The following MCTP1 variants were observed in gnomAD, a reference collection of about 807,000 sequenced individuals.
The protein encoded by MCTP1 is multiple C2 and transmembrane domain-containing protein 1.
Under a neutral mutation model 120.6 loss-of-function variants are expected in MCTP1, and 69 were observed. The ratio of observed to expected loss-of-function variants is 0.57; its 90% CI spans 0.47 to 0.70. MCTP1 has a LOEUF of 0.70. Among genes scored for constraint, MCTP1 ranks in the 30% least tolerant of loss-of-function variants. The pLI is 0.00. For missense variants in MCTP1, 1,203 were observed against 1,248.8 expected (o/e 0.96, Z 0.55); for synonymous variants, 529 against 493.1 (o/e 1.07, Z -0.96).
At chr5:94,935,836 G>A (rs1253432025) in intron 5 of MCTP1, among the ~76,000 whole-genome samples, 2 of 151,978 alleles carry the variant, frequency 1.3e-5, no homozygotes, top group Non-Finnish European at 2.9e-5. Flanking sequence ...CTGGTTTGCT[G>A]CATTTTTAGC....
At chr5:95,192,686 A>G (rs773527442) in intron 1 of MCTP1, among the ~76,000 whole-genome samples, 18 of 152,248 alleles carry the variant, frequency 1.2e-4, no homozygotes, top group Middle Eastern at 3.4e-3. Flanking sequence ...ACATTTCATC[A>G]AATAAAATAG....
intron 17 of MCTP1, among the ~76,000 whole-genome samples, chr5:94,835,099 G>A (rs1254516609): frequency 2.8e-4 from 42 of 152,172 alleles, no homozygotes; most frequent in Admixed American, 2.7e-3. Context: ...TTACACGCAT[G>A]AGCCACCATG....
intron 7 of MCTP1, among the ~76,000 whole-genome samples, chr5:94,920,104 C>T (rs1017321750): frequency 5.9e-5 from 9 of 152,130 alleles, no homozygotes; most frequent in African/African-American, 1.7e-4. Flanking sequence ...TAACTTTAAT[C>T]GTGGTCCAAC....
At chr5:94,721,437 A>G (rs531823396) in intron 19 of MCTP1, among the ~76,000 whole-genome samples, 1 of 152,286 alleles carries the variant, frequency 6.6e-6, no homozygotes, top group African/African-American at 2.4e-5. Flanking sequence ...TTGCTTTGTT[A>G]CTACTGCACT....
At chr5:94,774,973 A>G (rs1774981866) in intron 19 of MCTP1, among the ~76,000 whole-genome samples, 1 of 152,164 alleles carries the variant, frequency 6.6e-6, no homozygotes, top group Non-Finnish European at 1.5e-5. Context: ...GATGCCAGAG[A>G]TGCCCAAATC....
chr5:94,802,992 C>T (rs751804929), intron 17 of MCTP1, among the ~76,000 whole-genome samples: 2 of 151,938 alleles, frequency 1.3e-5, no homozygotes, highest in Non-Finnish European at 2.9e-5. Flanking sequence ...GTATTTTTTC[C>T]TCTCTCTCTG....
intron 2 of MCTP1, among the ~76,000 whole-genome samples, chr5:94,955,960 C>T (rs553887382): frequency 6.6e-6 from 1 of 152,346 alleles, no homozygotes; most frequent in Admixed American, 6.5e-5. Flanking sequence ...GACTCCCATG[C>T]TTCCTGACAG....
intron 3 of MCTP1, among the ~76,000 whole-genome samples, chr5:94,948,597 T>C (rs1226399570): frequency 6.6e-6 from 1 of 152,178 alleles, no homozygotes; most frequent in Non-Finnish European, 1.5e-5. Context: ...CTATGGTTTA[T>C]GGCTGGAAAC....
chr5:95,009,056 A>AAG (rs201724037), intron 2 of MCTP1, among the ~76,000 whole-genome samples: 2,097 of 129,148 alleles, frequency 0.016, 42 homozygotes, highest in African/African-American at 0.042. Context: ...GAGAGGGAGA[A>AAG]AGAGAGAGAG....
chr5:95,205,712 A>AAATG (rs1562236029), intron 1 of MCTP1, among the ~76,000 whole-genome samples: 2 of 152,330 alleles, frequency 1.3e-5, no homozygotes, highest in African/African-American at 4.8e-5. Context: ...GCCAATTTAA[A>AAATG]AATGGGCAAA....
chr5:94,988,449 C>T (rs751628269), intron 2 of MCTP1, among the ~76,000 whole-genome samples: 18 of 152,234 alleles, frequency 1.2e-4, no homozygotes, highest in South Asian at 2.1e-4. Context: ...AGACTGCTAC[C>T]TCAGGAATTA....
At chr5:95,081,053 A>G (rs1389230136) in intron 1 of MCTP1, among the ~76,000 whole-genome samples, 4 of 152,192 alleles carry the variant, frequency 2.6e-5, no homozygotes, top group African/African-American at 9.6e-5. Flanking sequence ...AATCTGATAT[A>G]TGTTTCACCT....
Position 94,932,213 on chromosome 5 carries a change from TAAA to T in MCTP1, c.1174-225_1174-223del, listed in dbSNP as rs368203326. Among the ~76,000 whole-genome samples, 477 of 95,836 alleles carry T rather than the reference TAAA, an allele frequency of 5.0e-3. 1 individual carries two copies. The highest frequency in any genetic ancestry group is 6.3e-3 in the Non-Finnish European group (316 of 50,098). The allele number at this position is 95,836 out of a possible 152,430, so 62.9% of individuals were successfully genotyped here. On this transcript the variant is annotated intron_variant, in intron 5 of 22. Transcript: ENST00000515393. ...AGAGTTCATTTGATTTATTCCTTTG[TAAA>T]AAAAAAAAAAAAAAAAAAAAAAGGA...
At chr5:95,014,467 A>G (rs1052090947) in intron 2 of MCTP1, among the ~76,000 whole-genome samples, 2 of 152,104 alleles carry the variant, frequency 1.3e-5, no homozygotes, top group Non-Finnish European at 2.9e-5. Flanking sequence ...ATAATGACTG[A>G]ATTGCTGCAA....
chr5:95,139,450 T>A (rs1449677305), intron 1 of MCTP1, among the ~76,000 whole-genome samples: 2 of 152,240 alleles, frequency 1.3e-5, no homozygotes, highest in East Asian at 3.8e-4. Context: ...GAGAGCAAGA[T>A]TTGCCTGTTG....
chr5:94,813,023 A>T (rs750294717), intron 17 of MCTP1, among the ~76,000 whole-genome samples: 6 of 152,160 alleles, frequency 3.9e-5, no homozygotes, highest in Non-Finnish European at 8.8e-5. Context: ...AAAAGACACC[A>T]TTAAGAAAAT....
chr5:94,875,948 CTA>C (rs1022317700), intron 12 of MCTP1, among the ~76,000 whole-genome samples: 2 of 152,038 alleles, frequency 1.3e-5, no homozygotes, highest in African/African-American at 4.8e-5. Flanking sequence ...TCTTTCCACA[CTA>C]TGTTATGTTT....
intron 1 of MCTP1, among the ~76,000 whole-genome samples, chr5:95,158,663 T>C (rs980514884): frequency 6.6e-6 from 1 of 152,114 alleles, no homozygotes. Context: ...CAATGGCTCA[T>C]GCCTGTAATC....
At chr5:94,920,904 A>G (rs77177871) in intron 7 of MCTP1, among the ~76,000 whole-genome samples, 5,993 of 152,096 alleles carry the variant, frequency 0.039, 170 homozygotes, top group Non-Finnish European at 0.057. Context: ...GTATTTTTCT[A>G]TGTACTCTCC....
Sources: gnomAD v4.1 joint callset for allele counts (sites outside exome capture counted in the v4.1 genomes callset) on GRCh38, gnomAD v4.1.1 for gene constraint, MANE v1.5 for transcripts, NCBI Gene and HGNC (gene_info 2026-07-23, HGNC 2026-07-21) for gene names.